Variants in KHSRP observed in about 807,000 individuals in gnomAD.
KHSRP encodes the protein KH-type splicing regulatory protein.
Under a neutral mutation model 94.9 loss-of-function variants are expected in KHSRP, and 13 were observed. The ratio of observed to expected loss-of-function variants is 0.14; its 90% CI spans 0.09 to 0.22. The LOEUF is 0.22. Ranked by LOEUF, KHSRP falls within the 10% of genes least tolerant of loss-of-function variation. The pLI is 1.00. For missense variants in KHSRP, 710 were observed against 1,010.0 expected (o/e 0.70, Z 4.03); for synonymous variants, 495 against 401.4 (o/e 1.23, Z -2.79).
Position 6,416,972 on chromosome 19 carries a change from C to G in KHSRP, c.1182+15G>C. 6.2e-7 allele frequency: 1 copy of G among 1,613,668 alleles called. No homozygotes were observed. The highest frequency in any genetic ancestry group is 8.5e-7 in the Non-Finnish European group (1 of 1,179,766). On this transcript the variant is annotated intron_variant, in intron 12 of 18. Transcript: ENST00000600480. Reference sequence around the variant, plus strand: ...GGAGGCCCTGCCAGCCCCTTCAGCACCCGGGGCCACCTACCCTGAGGCTCT... The same window carrying G: ...GGAGGCCCTGCCAGCCCCTTCAGCAGCCGGGGCCACCTACCCTGAGGCTCT...
intron 6 of KHSRP, 90 bp downstream of exon 6, chr19:6,419,983 C>A: frequency 9.8e-7 from 1 of 1,019,302 alleles, no homozygotes; most frequent in Non-Finnish European, 1.5e-6. Context: ...GCTTCCTGTC[C>A]ACAGTCCCCG....
In KHSRP at chr19:6,418,639, G is replaced by C; in HGVS notation, c.781-58C>G. ...CTCTCCCAGGACTTCCTGGGCTGCT[G>C]TGGTGGTGGCGGTGGGGTGTGGCAC... On this transcript the variant is annotated intron_variant, in intron 8 of 18. Transcript: ENST00000600480. This position sits in a 1 kb window ranked among gnomAD's most constrained non-coding sequence, Gnocchi z 4.3. 6.2e-7 allele frequency: 1 copy of C among 1,612,906 alleles called. No homozygotes were observed. Among genetic ancestry groups the C allele is most frequent in the Non-Finnish European group, 8.5e-7 (1 of 1,178,888 alleles).
chr19:6,413,482 C>A lies in KHSRP; in HGVS notation c.*1542G>T. The A allele has an allele frequency of 2.8e-6, 1 of 363,484 alleles. No individual in the cohort carries two copies. The highest frequency in any genetic ancestry group is 5.5e-6 in the Non-Finnish European group (1 of 180,332). The allele number at this position is 363,484 out of a possible 1,614,324, so 22.5% of individuals were successfully genotyped here. Reference sequence around the variant, plus strand: ...TTGAACAGATGAAAAGACAACAGACCAGTCCTGGGAGGGGGGACGGGCGGG... The same window carrying A: ...TTGAACAGATGAAAAGACAACAGACAAGTCCTGGGAGGGGGGACGGGCGGG... On this transcript the variant is annotated 3_prime_UTR_variant, in exon 19 of 19. Transcript: ENST00000600480.
At chr19:6,422,535 A>G in intron 1 of KHSRP, 99 bp from the exon 2 acceptor site, 1 of 868,598 alleles carries the variant, frequency 1.2e-6, no homozygotes. Flanking sequence ...ACGAAAGCCC[A>G]TCAGGTCTTG....
rs573362044 is a variant in KHSRP at position 6,415,468 on chromosome 19, G to A, written c.1889-11C>T. ...GCTGGGGCTGCTGGCCTGTGCGGGC[G>A]CCGAGACAGGTCAGAAACCACTCCC... is the stretch of plus-strand genomic sequence containing the variant. On this transcript the variant is annotated splice_polypyrimidine_tract_variant and intron_variant, in intron 17 of 18. Coordinates refer to ENST00000600480, the MANE Select transcript of KHSRP (RefSeq NM_001366299.1). 1.1e-4 allele frequency: 177 copies of A among 1,554,480 alleles called. 1 individual carries two copies. In the African/African-American group the frequency reaches 1.4e-3, roughly 12 times the overall value.
rs2092131119 is a variant in KHSRP at position 6,414,861 on chromosome 19, C to T, written c.*163G>A. ...ACTCCCCAGCAGTTCAGAAGTCCCG[C>T]CTGCGAGTCTCAGCGCTCCCCAGCA... On this transcript the variant is annotated 3_prime_UTR_variant, in exon 19 of 19. Coordinates refer to ENST00000600480, the MANE Select transcript of KHSRP (RefSeq NM_001366299.1). 4 of 1,305,354 alleles carry T rather than the reference C, an allele frequency of 3.1e-6. No individual in the cohort carries two copies. The highest frequency in any genetic ancestry group is 3.9e-6 in the Non-Finnish European group (4 of 1,028,200). 80.9% of individuals were successfully genotyped at this position (1,305,354 alleles called of 1,614,324 possible).
intron 6 of KHSRP, 71 bp from the exon 7 acceptor site, chr19:6,419,331 G>A (rs745380094): frequency 2.6e-5 from 36 of 1,390,592 alleles, no homozygotes; most frequent in Non-Finnish European, 3.3e-5. Flanking sequence ...TGGACACGAG[G>A]AAACTTTCAG....
chr19:6,414,325 G>T lies in KHSRP; in HGVS notation c.*699C>A. 7.1e-7 allele frequency: 1 copy of T among 1,398,788 alleles called. No individual in the cohort carries two copies. Among genetic ancestry groups the T allele is most frequent in the South Asian group, 1.8e-5 (1 of 56,790 alleles). The allele number at this position is 1,398,788 out of a possible 1,614,324, so 86.6% of individuals were successfully genotyped here. On this transcript the variant is annotated 3_prime_UTR_variant, in exon 19 of 19. Coordinates refer to ENST00000600480, the MANE Select transcript of KHSRP (RefSeq NM_001366299.1). The stretch of plus-strand genomic sequence containing the variant: ...ACTCGCTGAAGTCACGCTGCTCCCT[G>T]ATGGAGAAGGAGGGACAGAGCAGGA...
intron 7 of KHSRP, 125 bp downstream of exon 7, chr19:6,419,078 G>A (rs1026371527): frequency 6.9e-6 from 8 of 1,151,222 alleles, no homozygotes; most frequent in African/African-American, 1.6e-5. Flanking sequence ...TAACATGGCT[G>A]TCTGGAGATG....
intron 1 of KHSRP, 88 bp from the exon 2 acceptor site, chr19:6,422,524 C>T: frequency 1.1e-6 from 1 of 929,656 alleles, no homozygotes; most frequent in Non-Finnish European, 1.7e-6. Flanking sequence ...ATCTCCTGGA[C>T]ACGAAAGCCC....
Position 6,415,059 on chromosome 19 carries a change from C to T in KHSRP, c.2209G>A (p.Ala737Thr), listed in dbSNP as rs956299391. The T allele has an allele frequency of 2.2e-5, 34 of 1,563,818 alleles. No homozygotes were observed. The highest frequency in any genetic ancestry group is 7.5e-5 in the Admixed American group (4 of 53,080). The change falls in exon 19 of 19, where the codon GCC becomes ACC. Residue 737 changes from alanine to threonine, a missense_variant. Ala to Thr is a moderately conservative substitution (Grantham distance 58). This residue lies in a region of KHSRP where 292 missense variants were observed against 340.5 expected (regional missense o/e 0.86). Transcript: ENST00000600480. Reference sequence around the variant, plus strand: ...ACCCCGCAGGGGAAGGGGTTTCCGGCGCTACCCACTAAGGCAGGATGGACG... The same window carrying T: ...ACCCCGCAGGGGAAGGGGTTTCCGGTGCTACCCACTAAGGCAGGATGGACG... Reference protein sequence around the residue: ...ATVHPALVGSAGNPFPCGVCP With the variant: ...ATVHPALVGSTGNPFPCGVCP
chr19:6,418,506 T>C lies in KHSRP; in HGVS notation c.856A>G (p.Ile286Val). The C allele has an allele frequency of 1.2e-6, 2 of 1,613,790 alleles. No homozygotes were observed. The highest frequency in any genetic ancestry group is 1.7e-6 in the Non-Finnish European group (2 of 1,179,728). ...NTNVDKPLRI[I>V]GDPYKVQQAC... is the part of the protein sequence containing the mutation. ...ACCTGCACTTTGTAAGGATCCCCAATGATGCGGAGAGGTTTGTCCACATTC... is the reference window on the plus strand; with the variant it reads ...ACCTGCACTTTGTAAGGATCCCCAACGATGCGGAGAGGTTTGTCCACATTC... Residue 286 changes from isoleucine (I) to valine (V), a missense_variant, in exon 9 of 19, where the codon ATT becomes GTT. Coordinates refer to ENST00000600480, the MANE Select transcript of KHSRP (RefSeq NM_001366299.1). The surrounding 1 kb of genome is among the most constrained non-coding windows in gnomAD (Gnocchi z 4.3).
rs1188544530 is a variant in KHSRP, at chr19:6,413,830, T to G, written c.*1194A>C. 19 of 209,880 alleles carry G rather than the reference T, an allele frequency of 9.1e-5. No homozygotes were observed. Among genetic ancestry groups the G allele is most frequent in the Non-Finnish European group, 1.4e-4 (15 of 108,364 alleles). The allele number at this position is 209,880 out of a possible 1,614,324, so 13.0% of individuals were successfully genotyped here. On this transcript the variant is annotated 3_prime_UTR_variant, in exon 19 of 19. Coordinates refer to ENST00000600480, the MANE Select transcript of KHSRP (RefSeq NM_001366299.1). The stretch of plus-strand genomic sequence containing the variant: ...TTTGTGTTTTTAATTTTTAAGTTTT[T>G]TTTTTTTTTTGGCAGAGATTTAGAT...
At position 6,414,678 on chromosome 19, in the gene KHSRP, A is replaced by G. The variant is rs1255188362; in HGVS notation, c.*346T>C. 3.9e-6 allele frequency: 4 copies of G among 1,016,534 alleles called. No individual in the cohort carries two copies. In the East Asian group the frequency reaches 4.1e-4, roughly 103 times the overall value. The allele number at this position is 1,016,534 out of a possible 1,614,324, so 63.0% of individuals were successfully genotyped here. On this transcript the variant is annotated 3_prime_UTR_variant, in exon 19 of 19. Transcript: ENST00000600480. ...TCACTTGGACACAGGAAAAAAGATC[A>G]TGGGTTTAAAAAATAAAAGAATAAA...
rs556853690 is a variant in KHSRP, at chr19:6,418,254, G to A, written c.880-175C>T. Among the ~76,000 whole-genome samples the A allele has an allele frequency of 3.3e-5, 5 of 152,198 alleles. No individual in the cohort carries two copies. Among genetic ancestry groups the A allele is most frequent in the African/African-American group, 2.4e-5 (1 of 41,528 alleles). Reference sequence around the variant, plus strand: ...ATGGGGAGGCACTACCAGCAGCCCCGTTTCCAGATAAAAAAGCAGAAGGTC... The same window carrying A: ...ATGGGGAGGCACTACCAGCAGCCCCATTTCCAGATAAAAAAGCAGAAGGTC... On this transcript the variant is annotated intron_variant, in intron 9 of 18. Coordinates refer to ENST00000600480, the MANE Select transcript of KHSRP (RefSeq NM_001366299.1). This position sits in a 1 kb window ranked among gnomAD's most constrained non-coding sequence, Gnocchi z 4.3.
chr19:6,424,367 TGC>T (rs888935149), intron 1 of KHSRP, 84 bp downstream of exon 1: 2,766 of 616,446 alleles, frequency 4.5e-3, no homozygotes, highest in South Asian at 5.1e-3. Flanking sequence ...TCCGCGACCC[TGC>T]GCGCGCGCGC....
At position 6,415,608 on chromosome 19, in the gene KHSRP, C is replaced by G; in HGVS notation, c.1814G>C (p.Gly605Ala). Residue 605 changes from glycine (G) to alanine (A), a missense_variant, in exon 17 of 19, where the codon GGT (glycine) becomes GCT (alanine). Transcript: ENST00000600480. ...GGTGGGTGGGGGCTGAGGGGGCTCA[C>G]CCTGAGCCGGTGGGGCCGCAGGGGC... The part of the protein sequence containing the change: ...APAPAAPPAQ[G>A]EPPQPPPTGQ... 6.6e-7 allele frequency: 1 copy of G among 1,517,988 alleles called. No homozygotes were observed. The highest frequency in any genetic ancestry group is 8.8e-7 in the Non-Finnish European group (1 of 1,133,980). The allele number at this position is 1,517,988 out of a possible 1,614,324, so 94.0% of individuals were successfully genotyped here.
Position 6,414,512 on chromosome 19 carries a change from A to G in KHSRP, c.*512T>C. On this transcript the variant is annotated 3_prime_UTR_variant, in exon 19 of 19. Coordinates refer to ENST00000600480, the MANE Select transcript of KHSRP (RefSeq NM_001366299.1). ...TGAGGTAGGTTGGAAGGTGGCAACG[A>G]TCTTCACGCCCACTTCACAGACAAG... The G allele has an allele frequency of 2.9e-6, 3 of 1,052,352 alleles. No homozygotes were observed. Among genetic ancestry groups the G allele is most frequent in the Non-Finnish European group, 3.4e-6 (3 of 873,230 alleles). The allele number at this position is 1,052,352 out of a possible 1,614,324, so 65.2% of individuals were successfully genotyped here.
In KHSRP at chr19:6,414,381, C is replaced by T. The variant is rs892576013; in HGVS notation, c.*643G>A. ...GGAGAGGGGCCGCGGAGGGCGGAGG[C>T]GCTAGGGTCGTAGGGGAGCTGCCCT... On this transcript the variant is annotated 3_prime_UTR_variant, in exon 19 of 19. Transcript: ENST00000600480. 44 of 1,329,350 alleles carry T rather than the reference C, an allele frequency of 3.3e-5. No individual in the cohort carries two copies. The highest frequency in any genetic ancestry group is 2.6e-4 in the East Asian group (9 of 34,974). The allele number at this position is 1,329,350 out of a possible 1,614,324, so 82.3% of individuals were successfully genotyped here.
Sources: gnomAD v4.1 joint callset for allele counts (sites outside exome capture counted in the v4.1 genomes callset) on GRCh38, gnomAD v4.1.1 for gene constraint, gnomAD v4.1.1 regional missense constraint, Gnocchi (gnomAD v3.1) non-coding constraint, MANE v1.5 for transcripts, NCBI Gene and HGNC (gene_info 2026-07-23, HGNC 2026-07-21) for gene names.